Variants in CCDC93 observed in about 807,000 individuals in gnomAD.
The protein encoded by CCDC93 is CCC complex scaffolding subunit CCDC93, also known as coiled-coil domain-containing protein 93.
CCDC93 carries 61 observed loss-of-function variants against 108.2 expected under a neutral mutation model. The observed-to-expected ratio is 0.56, with a 90% CI of 0.46 to 0.70. The LOEUF (loss-of-function observed/expected upper bound fraction) is 0.70, where lower values mean the gene tolerates loss of function less well. Among genes scored for constraint, CCDC93 ranks in the 30% least tolerant of loss-of-function variants. The pLI is 0.00. For missense variants in CCDC93, 685 were observed against 764.2 expected (o/e 0.90, Z 1.22); for synonymous variants, 276 against 260.4 (o/e 1.06, Z -0.58).
intron 11 of CCDC93, among the ~76,000 whole-genome samples, chr2:117,959,947 T>A (rs1679334745): frequency 6.6e-6 from 1 of 152,198 alleles, no homozygotes; most frequent in Non-Finnish European, 1.5e-5. Context: ...AAAAGGGTGG[T>A]GGAAGAGGAA....
chr2:117,937,228 C>A (rs1378308008), intron 20 of CCDC93, among the ~76,000 whole-genome samples: 5 of 152,212 alleles, frequency 3.3e-5, no homozygotes, highest in African/African-American at 9.6e-5. Context: ...TGGCTGAGTG[C>A]CTCCAAGGGG....
At position 117,932,787 on chromosome 2, in the gene CCDC93, C is replaced by T. The variant is rs538774199; in HGVS notation, c.1729-1637G>A. Among the ~76,000 whole-genome samples, 22 of 152,328 alleles carry T rather than the reference C, an allele frequency of 1.4e-4. No homozygotes were observed. In the South Asian group the frequency reaches 1.4e-3, roughly 10 times the overall value. On this transcript the variant is annotated intron_variant, in intron 22 of 23. Coordinates refer to ENST00000376300, the MANE Select transcript of CCDC93 (RefSeq NM_019044.5). ...CTGTCACAGTGACACACCAGCCCAC[C>T]GCAGTTCCCACTACTGTTCCTTCGT...
chr2:117,938,555 G>GAAA (rs36126432), intron 20 of CCDC93, among the ~76,000 whole-genome samples: 1 of 138,224 alleles, frequency 7.2e-6, no homozygotes, highest in South Asian at 2.3e-4. Context: ...AAAAAGACAA[G>GAAA]AAAAAAAAAA....
In CCDC93 at chr2:117,919,588, A is replaced by G. The variant is rs142321129; in HGVS notation, c.*755T>C. The G allele has an allele frequency of 6.6e-6, 1 of 152,314 alleles. No homozygotes were observed. The highest frequency in any genetic ancestry group is 1.9e-4 in the East Asian group (1 of 5,174). 9.4% of individuals were successfully genotyped at this position (152,314 alleles called of 1,614,324 possible). Reference sequence around the variant, plus strand: ...TCTGCATGCTGTGACTCACATGAACATTGGGGCAGGGGAAGGTATAATTTT... The same window carrying G: ...TCTGCATGCTGTGACTCACATGAACGTTGGGGCAGGGGAAGGTATAATTTT... On this transcript the variant is annotated 3_prime_UTR_variant, in exon 24 of 24. Transcript: ENST00000376300.
intron 17 of CCDC93, chr2:117,944,821 G>T (rs1410472040): frequency 1.5e-5 from 7 of 470,954 alleles, no homozygotes. Flanking sequence ...AGGGTACAAA[G>T]GGAAGAGGAA....
intron 11 of CCDC93, among the ~76,000 whole-genome samples, chr2:117,963,436 C>A (rs1376491627): frequency 6.6e-6 from 1 of 152,206 alleles, no homozygotes; most frequent in Non-Finnish European, 1.5e-5. Context: ...AAGTGAACTT[C>A]TAAAGCACTC....
At chr2:117,961,749 G>A (rs1422745139) in intron 11 of CCDC93, among the ~76,000 whole-genome samples, 1 of 152,174 alleles carries the variant, frequency 6.6e-6, no homozygotes, top group Non-Finnish European at 1.5e-5. Context: ...ATGAGACAAA[G>A]TCAGACAGAA....
Position 117,921,249 on chromosome 2 carries a change from C to T in CCDC93, c.1843-853G>A, listed in dbSNP as rs555332142. 9.9e-5 allele frequency among the ~76,000 whole-genome samples: 15 copies of T among 151,742 alleles called. No homozygotes were observed. The South Asian group carries it at 1.3e-3, about 13-fold the overall frequency. ...TGTATGAAATCAATGGCACGTGCTA[C>T]GGGTTATCACTGAGGGAGGTCACTG... On this transcript the variant is annotated intron_variant, in intron 23 of 23. Coordinates refer to ENST00000376300, the MANE Select transcript of CCDC93 (RefSeq NM_019044.5).
At chr2:117,949,588 C>A (rs1678985009) in intron 13 of CCDC93, 193 bp from the exon 14 acceptor site, 1 of 255,224 alleles carries the variant, frequency 3.9e-6, no homozygotes, top group Non-Finnish European at 6.2e-6. Context: ...TAAAGTAGCT[C>A]TTTTACAATG....
Position 117,931,136 on chromosome 2 carries a change from C to A in CCDC93, c.1743G>T (p.Lys581Asn). The change falls in exon 23 of 24, where the codon AAG (lysine) becomes AAT (asparagine). Residue 581 changes from lysine to asparagine, a missense_variant. By Grantham distance (94) the Lys-to-Asn change is moderately conservative. Transcript: ENST00000376300. ...KQSRMKMEKKKQENKMRRDQL... is the reference protein window; with the variant it reads ...KQSRMKMEKKNQENKMRRDQL... Reference sequence around the variant, plus strand: ...GGTCTCTTCTCATTTTGTTCTCTTGCTTTTTCTTTTCCATCTGTTGAAACA... The same window carrying A: ...GGTCTCTTCTCATTTTGTTCTCTTGATTTTTCTTTTCCATCTGTTGAAACA... 1 of 1,612,992 alleles carries A rather than the reference C, an allele frequency of 6.2e-7. No homozygotes were observed.
At chr2:117,930,849 A>G in intron 23 of CCDC93, 188 bp downstream of exon 23, 1 of 512,422 alleles carries the variant, frequency 2.0e-6, no homozygotes, top group Non-Finnish European at 3.5e-6. Flanking sequence ...AGACCTCAAG[A>G]TGGGCCACAG....
intron 6 of CCDC93, 87 bp downstream of exon 6, chr2:117,995,359 C>A (rs973263968): frequency 9.7e-7 from 1 of 1,032,218 alleles, no homozygotes; most frequent in African/African-American, 1.6e-5. Flanking sequence ...TAGATGGAAG[C>A]CTCAGGAGCA....
intron 11 of CCDC93, among the ~76,000 whole-genome samples, chr2:117,959,675 C>G (rs958857568): frequency 2.0e-5 from 3 of 152,204 alleles, no homozygotes; most frequent in Non-Finnish European, 4.4e-5. Flanking sequence ...CAGGATACAG[C>G]TGCATAAAAT....
At chr2:117,950,812 T>C (rs1364065375) in intron 13 of CCDC93, 3 of 985,434 alleles carry the variant, frequency 3.0e-6, no homozygotes, top group Non-Finnish European at 3.6e-6. Flanking sequence ...TCCTATTAGA[T>C]AGTAAGCTCC....
chr2:117,936,460 T>C, intron 21 of CCDC93: 1 of 455,844 alleles, frequency 2.2e-6, no homozygotes, highest in Non-Finnish European at 3.9e-6. Flanking sequence ...ACAGTCAAAG[T>C]ATTTGAAAGT....
intron 18 of CCDC93, among the ~76,000 whole-genome samples, chr2:117,942,613 C>T (rs1322195210): frequency 6.6e-6 from 1 of 152,228 alleles, no homozygotes; most frequent in Non-Finnish European, 1.5e-5. Flanking sequence ...GCCTCATGCA[C>T]TTGTTTTCCC....
At chr2:117,967,624 G>GCCTTTCT (rs1028812337) in intron 11 of CCDC93, among the ~76,000 whole-genome samples, 75 of 152,340 alleles carry the variant, frequency 4.9e-4, no homozygotes, top group Middle Eastern at 6.8e-3. Flanking sequence ...GCTCCACCTA[G>GCCTTTCT]CCAAGGAGAA....
At chr2:118,002,776 G>A (rs1676744321) in intron 3 of CCDC93, among the ~76,000 whole-genome samples, 1 of 152,174 alleles carries the variant, frequency 6.6e-6, no homozygotes, top group Non-Finnish European at 1.5e-5. Flanking sequence ...GGTAGCTCAT[G>A]CATGTAATCC....
chr2:118,001,099 C>T (rs1680835922), intron 3 of CCDC93, 167 bp from the exon 4 acceptor site: 1 of 569,952 alleles, frequency 1.8e-6, no homozygotes, highest in East Asian at 2.9e-5. Context: ...AAAATAAGCA[C>T]AATTTGGTGG....
Sources: gnomAD v4.1 joint callset for allele counts (sites outside exome capture counted in the v4.1 genomes callset) on GRCh38, gnomAD v4.1.1 for gene constraint, MANE v1.5 for transcripts, NCBI Gene and HGNC (gene_info 2026-07-23, HGNC 2026-07-21) for gene names.